MAP3K5: variants seen among roughly 807,000 people sequenced by gnomAD.
The protein encoded by MAP3K5 is mitogen-activated protein kinase kinase kinase 5, also known as ASK-1.
MAP3K5 carries 56 observed loss-of-function variants against 158.7 expected under a neutral mutation model. The observed-to-expected ratio is 0.35, with a 90% CI of 0.28 to 0.44. The LOEUF (loss-of-function observed/expected upper bound fraction) is 0.44. MAP3K5 is among the 20% of genes least tolerant of loss of function. The pLI, the probability that MAP3K5 is intolerant of heterozygous loss-of-function variation, is 1.00. For missense variants in MAP3K5, 1,294 were observed against 1,674.8 expected, an observed-to-expected ratio of 0.77 and a Z score of 3.97; for synonymous variants, 579 against 601.7, an observed-to-expected ratio of 0.96 and a Z score of 0.55.
chr6:136,721,613 A>G (rs1451802553), intron 1 of MAP3K5, among the ~76,000 whole-genome samples: 1 of 152,262 alleles, frequency 6.6e-6, no homozygotes, highest in Non-Finnish European at 1.5e-5. Flanking sequence ...CTAGATCGTG[A>G]GTTTAAAATT....
At chr6:136,757,575 A>ATTTTTTTTTTTTTT (rs1266911449) in intron 1 of MAP3K5, among the ~76,000 whole-genome samples, 4 of 111,276 alleles carry the variant, frequency 3.6e-5, no homozygotes, top group African/African-American at 1.3e-4. Flanking sequence ...AGATTTATTT[A>ATTTTTTTTTTTTTT]TTTATTTTTT....
At chr6:136,725,963 G>C (rs1331135842) in intron 1 of MAP3K5, among the ~76,000 whole-genome samples, 4 of 152,158 alleles carry the variant, frequency 2.6e-5, no homozygotes, top group Non-Finnish European at 4.4e-5. Flanking sequence ...ACATTAACTG[G>C]CTACACTTTG....
At chr6:136,650,518 A>C (rs1006157062) in intron 11 of MAP3K5, among the ~76,000 whole-genome samples, 1 of 152,268 alleles carries the variant, frequency 6.6e-6, no homozygotes, top group South Asian at 2.1e-4. Flanking sequence ...ACACTGAGTC[A>C]GTGGCTAATC....
chr6:136,683,802 A>C (rs915220083), intron 7 of MAP3K5, among the ~76,000 whole-genome samples: 5 of 152,182 alleles, frequency 3.3e-5, no homozygotes, highest in African/African-American at 7.2e-5. Context: ...CTATTCCTGG[A>C]AACTTCAGGA....
chr6:136,581,357 T>C (rs940984392), intron 24 of MAP3K5, among the ~76,000 whole-genome samples: 13 of 152,256 alleles, frequency 8.5e-5, no homozygotes, highest in African/African-American at 2.7e-4. Flanking sequence ...ATTACCTTTG[T>C]AAAAACAAGC....
intron 8 of MAP3K5, among the ~76,000 whole-genome samples, chr6:136,662,574 CCT>C (rs1039617425): frequency 6.0e-5 from 9 of 151,068 alleles, no homozygotes; most frequent in African/African-American, 2.2e-4. Context: ...TCTCTCTCTT[CCT>C]CTCTCTTTCT....
chr6:136,599,154 G>A (rs565766529), intron 21 of MAP3K5, among the ~76,000 whole-genome samples: 103 of 98,620 alleles, frequency 1.0e-3, no homozygotes, highest in African/African-American at 3.9e-3. Flanking sequence ...CTAGGACTCC[G>A]TCTCAAAAAA....
intron 14 of MAP3K5, among the ~76,000 whole-genome samples, chr6:136,625,304 T>G (rs975268028): frequency 1.2e-4 from 19 of 152,184 alleles, no homozygotes; most frequent in African/African-American, 4.6e-4. Flanking sequence ...TTTACCAAGA[T>G]TAAGAGTGAG....
At chr6:136,773,146 C>T (rs538843904) in intron 1 of MAP3K5, among the ~76,000 whole-genome samples, 26 of 152,302 alleles carry the variant, frequency 1.7e-4, no homozygotes, top group Admixed American at 4.6e-4. Flanking sequence ...GGGAATTTGC[C>T]TTCCACATTC....
At chr6:136,789,040 G>A (rs1003098240) in intron 1 of MAP3K5, among the ~76,000 whole-genome samples, 1 of 152,252 alleles carries the variant, frequency 6.6e-6, no homozygotes, top group Non-Finnish European at 1.5e-5. Flanking sequence ...GCTCACGCCT[G>A]TAATCCCAAT....
At chr6:136,659,180 G>A (rs188038904) in intron 9 of MAP3K5, 39 bp downstream of exon 9, 3 of 1,524,576 alleles carry the variant, frequency 2.0e-6, no homozygotes, top group South Asian at 2.3e-5. Context: ...ATATGGAGCT[G>A]TTTATTAATT....
At chr6:136,677,524 C>A (rs946639963) in intron 7 of MAP3K5, among the ~76,000 whole-genome samples, 1 of 152,142 alleles carries the variant, frequency 6.6e-6, no homozygotes, top group Admixed American at 6.5e-5. Flanking sequence ...CAGTGGCTTG[C>A]AACTCCTGTT....
chr6:136,734,521 G>C (rs1443554969), intron 1 of MAP3K5, among the ~76,000 whole-genome samples: 1 of 151,634 alleles, frequency 6.6e-6, no homozygotes. Flanking sequence ...CCTTGAAATG[G>C]TTATATTTCA....
chr6:136,640,125 G>A (rs1777855521), intron 12 of MAP3K5, among the ~76,000 whole-genome samples: 3 of 152,228 alleles, frequency 2.0e-5, no homozygotes. Flanking sequence ...AGTGCACTCG[G>A]TTAGGACTCA....
chr6:136,742,484 C>T (rs1181485262), intron 1 of MAP3K5, among the ~76,000 whole-genome samples: 2 of 150,596 alleles, frequency 1.3e-5, no homozygotes, highest in East Asian at 3.9e-4. Context: ...AGACCTTACA[C>T]CCTCTGCAGA....
chr6:136,745,107 A>C (rs1014701252), intron 1 of MAP3K5, among the ~76,000 whole-genome samples: 10 of 151,314 alleles, frequency 6.6e-5, no homozygotes, highest in African/African-American at 2.2e-4. Context: ...GAATACTGAC[A>C]GGGCAGCAGC....
chr6:136,792,259 TGCCATCGCGCGCCGCGCCCTC>T lies in MAP3K5; in HGVS notation c.-123_-103del, dbSNP rs1185660889. 3.4e-5 allele frequency: 41 copies of T among 1,211,648 alleles called. No individual in the cohort carries two copies. Among genetic ancestry groups the T allele is most frequent in the Non-Finnish European group, 4.2e-5 (41 of 979,200 alleles). 75.1% of individuals were successfully genotyped at this position (1,211,648 alleles called of 1,614,324 possible). A position where few individuals can be genotyped will look rare whatever the true frequency, so the allele number is the denominator to read the frequency against. ...CTCCGCGCCCGCCGGGCTAAGCAGC[TGCCATCGCGCGCCGCGCCCTC>T]GCCGCCGCGCCGCCGCCTCCTCTCC... On this transcript the variant is annotated 5_prime_UTR_variant, in exon 1 of 30. The change abolishes an upstream ATG in the 5' untranslated region. Transcript: ENST00000359015. The surrounding 1 kb of genome is among the most constrained non-coding windows in gnomAD (Gnocchi z 5.7).
At chr6:136,657,249 G>T (rs1250834465) in intron 9 of MAP3K5, among the ~76,000 whole-genome samples, 2 of 152,130 alleles carry the variant, frequency 1.3e-5, no homozygotes, top group African/African-American at 4.8e-5. Context: ...AAAAGAAAAA[G>T]TTAGGAAAAA....
At chr6:136,682,616 A>G (rs965485632) in intron 7 of MAP3K5, among the ~76,000 whole-genome samples, 1 of 152,218 alleles carries the variant, frequency 6.6e-6, no homozygotes, top group African/African-American at 2.4e-5. Context: ...TGAACATATT[A>G]ATGCTAAAAA....
Sources: gnomAD v4.1 joint callset for allele counts (sites outside exome capture counted in the v4.1 genomes callset) on GRCh38, gnomAD v4.1.1 for gene constraint, Gnocchi (gnomAD v3.1) non-coding constraint, MANE v1.5 for transcripts, NCBI Gene and HGNC (gene_info 2026-07-23, HGNC 2026-07-21) for gene names.